The following SORBS2 variants were observed in gnomAD, a reference collection of about 807,000 sequenced individuals.
The protein encoded by SORBS2 is sorbin and SH3 domain containing 2.
A neutral mutation model predicts 97.7 loss-of-function variants in SORBS2; 46 were observed. The ratio of observed to expected loss-of-function variants is 0.47; its 90% confidence interval spans 0.37 to 0.60. The LOEUF (loss-of-function observed/expected upper bound fraction) is 0.60. Among genes scored for constraint, SORBS2 ranks in the 20% least tolerant of loss-of-function variants. SORBS2 has a pLI of 0.00. For missense variants in SORBS2, 1,316 were observed against 1,282.3 expected (o/e 1.03, Z -0.40); for synonymous variants, 476 against 473.4 (o/e 1.01, Z -0.07).
chr4:185,765,844 T>C (rs1031397092), intron 2 of SORBS2, among the ~76,000 whole-genome samples: 3 of 152,242 alleles, frequency 2.0e-5, no homozygotes, highest in Non-Finnish European at 2.9e-5. Context: ...TTTTCATTTT[T>C]ACTTGTTTTT....
chr4:185,694,678 TTTTTTC>T (rs902480284), intron 2 of SORBS2, among the ~76,000 whole-genome samples: 217 of 147,374 alleles, frequency 1.5e-3, no homozygotes, highest in African/African-American at 5.1e-3. Context: ...TGAATTTCTT[TTTTTTC>T]TTTTTCTTTT....
intron 2 of SORBS2, among the ~76,000 whole-genome samples, chr4:185,725,191 T>G (rs908644147): frequency 6.6e-6 from 1 of 152,224 alleles, no homozygotes; most frequent in Non-Finnish European, 1.5e-5. Context: ...TTCAGCCTTT[T>G]GGGGTCAACA....
Position 185,757,504 on chromosome 4 carries a change from C to T in SORBS2, c.-198+17723G>A, listed in dbSNP as rs532561788. Among the ~76,000 whole-genome samples, 3 of 152,260 alleles carry T rather than the reference C, an allele frequency of 2.0e-5. No homozygotes were observed. The East Asian group carries it at 5.8e-4, about 29-fold the overall frequency. On this transcript the variant is annotated intron_variant, in intron 2 of 20. Transcript: ENST00000284776. ...AACTTTGTATTTGATATTCAAGAAA[C>T]GTTAGAAATGAATGCCTGTATAACA...
intron 2 of SORBS2, among the ~76,000 whole-genome samples, chr4:185,692,594 T>C (rs1045611757): frequency 1.3e-5 from 2 of 152,182 alleles, no homozygotes; most frequent in Non-Finnish European, 2.9e-5. Context: ...CTTTGTTCAT[T>C]ACTGATGAAA....
Position 185,607,376 on chromosome 4 carries a change from T to C in SORBS2, c.2796+4404A>G. 1 of 1,210,750 alleles carries C rather than the reference T, an allele frequency of 8.3e-7. No homozygotes were observed. The highest frequency in any genetic ancestry group is 1.1e-6 in the Non-Finnish European group (1 of 918,440). 75.0% of individuals were successfully genotyped at this position (1,210,750 alleles called of 1,614,324 possible). A position where few individuals can be genotyped will look rare whatever the true frequency, so the allele number is the denominator to read the frequency against. ...TTGGAAATGAGCACGGATTATGAAGTTAAGAAAAAATAAACTAAGAAAATA... is the reference window on the plus strand; with the variant it reads ...TTGGAAATGAGCACGGATTATGAAGCTAAGAAAAAATAAACTAAGAAAATA... On this transcript the variant is annotated intron_variant, in intron 12 of 14. Transcript: ENST00000418609. This position sits in a 1 kb window ranked among gnomAD's most constrained non-coding sequence, Gnocchi z 5.2.
chr4:185,815,337 G>A (rs2099192640), intron 1 of SORBS2, among the ~76,000 whole-genome samples: 1 of 151,926 alleles, frequency 6.6e-6, no homozygotes, highest in South Asian at 2.1e-4. Context: ...GGTCATAAAG[G>A]TATTTTTTAT....
intron 1 of SORBS2, among the ~76,000 whole-genome samples, chr4:185,819,286 A>G (rs1414653610): frequency 2.0e-5 from 3 of 152,202 alleles, no homozygotes; most frequent in African/African-American, 7.2e-5. Flanking sequence ...ACTGGTTTCT[A>G]TCCTCAAGAA....
At chr4:185,612,753 G>C (rs988585037) in intron 11 of SORBS2, among the ~76,000 whole-genome samples, 1 of 152,168 alleles carries the variant, frequency 6.6e-6, no homozygotes, top group African/African-American at 2.4e-5. Flanking sequence ...GCCTCCCAAA[G>C]TGCTGGGATT....
Position 185,607,640 on chromosome 4 carries a change from T to A in SORBS2, c.2796+4140A>T, listed in dbSNP as rs1237135587. 6.6e-6 allele frequency among the ~76,000 whole-genome samples: 1 copy of A among 152,110 alleles called. No individual in the cohort carries two copies. Among genetic ancestry groups the A allele is most frequent in the Non-Finnish European group, 1.5e-5 (1 of 68,028 alleles). Reference sequence around the variant, plus strand: ...AATGTCAAACAAGATAAAGATGATATAGAGATTACCAGGACAGTAAAACCT... The same window carrying A: ...AATGTCAAACAAGATAAAGATGATAAAGAGATTACCAGGACAGTAAAACCT... On this transcript the variant is annotated intron_variant, in intron 12 of 14. Transcript: ENST00000418609. The surrounding 1 kb of genome is among the most constrained non-coding windows in gnomAD (Gnocchi z 5.2).
chr4:185,783,399 G>T (rs2099040662), intron 1 of SORBS2, among the ~76,000 whole-genome samples: 2 of 152,178 alleles, frequency 1.3e-5, no homozygotes, highest in Non-Finnish European at 2.9e-5. Context: ...TTCTCAGGTG[G>T]CCAAGTGAGG....
At chr4:185,848,798 T>C (rs2099216146) in intron 1 of SORBS2, among the ~76,000 whole-genome samples, 1 of 152,056 alleles carries the variant, frequency 6.6e-6, no homozygotes, top group African/African-American at 2.4e-5. Context: ...TTGACATAGT[T>C]TGAGCCTTTT....
chr4:185,817,684 A>C (rs2099194116), intron 1 of SORBS2, among the ~76,000 whole-genome samples: 1 of 152,172 alleles, frequency 6.6e-6, no homozygotes, highest in East Asian at 1.9e-4. Flanking sequence ...AGCAAACAAA[A>C]CCTGGCAAGA....
At chr4:185,870,572 G>T (rs2648109) in intron 1 of SORBS2, among the ~76,000 whole-genome samples, 2 of 151,660 alleles carry the variant, frequency 1.3e-5, no homozygotes, top group African/African-American at 4.8e-5. Context: ...TGCCCAGCTC[G>T]TGTCTGAGGT....
chr4:185,632,503 C>T (rs1015535503), intron 4 of SORBS2, among the ~76,000 whole-genome samples: 1 of 152,094 alleles, frequency 6.6e-6, no homozygotes, highest in Non-Finnish European at 1.5e-5. Context: ...TGAAAGAAAG[C>T]AAACAAGTAA....
At chr4:185,906,799 C>A (rs1284102499) in intron 1 of SORBS2, among the ~76,000 whole-genome samples, 2 of 152,112 alleles carry the variant, frequency 1.3e-5, no homozygotes, top group Non-Finnish European at 2.9e-5. Context: ...TACCCCAAGT[C>A]CCCATTTGGG....
At chr4:185,600,356 T>G (rs899744092) in intron 12 of SORBS2, among the ~76,000 whole-genome samples, 2 of 152,214 alleles carry the variant, frequency 1.3e-5, no homozygotes, top group African/African-American at 4.8e-5. Context: ...TTTATTTTTT[T>G]GAGACGGAGT....
intron 7 of SORBS2, among the ~76,000 whole-genome samples, chr4:185,621,923 G>C (rs80348698): frequency 0.022 from 3,414 of 152,232 alleles, 182 homozygotes; most frequent in East Asian, 0.19. Context: ...GCCTATGCCA[G>C]TTTTATTAGA....
chr4:185,654,648 A>G (rs564835399), intron 1 of SORBS2, among the ~76,000 whole-genome samples: 1 of 152,364 alleles, frequency 6.6e-6, no homozygotes, highest in African/African-American at 2.4e-5. Flanking sequence ...TTCTAAAAGA[A>G]GTACTCTAAG....
chr4:185,720,209 T>G (rs1030593736), intron 2 of SORBS2, among the ~76,000 whole-genome samples: 2 of 152,184 alleles, frequency 1.3e-5, no homozygotes, highest in African/African-American at 4.8e-5. Flanking sequence ...AATCTGTACT[T>G]TTACATGAGT....
Sources: allele counts gnomAD v4.1 joint callset (sites outside exome capture counted in the v4.1 genomes callset), GRCh38; gene constraint gnomAD v4.1.1; non-coding constraint Gnocchi (gnomAD v3.1); transcripts MANE v1.5; gene names NCBI Gene and HGNC (gene_info 2026-07-23, HGNC 2026-07-21).